Variants in PARG observed in about 807,000 individuals in gnomAD.
PARG encodes the protein poly(ADP-ribose) glycohydrolase, also known as mitochondrial poly(ADP-ribose) glycohydrolase.
In PARG, 35 loss-of-function variants were observed where a neutral mutation model predicts 113.0. That is an observed-to-expected ratio of 0.31 (90% CI 0.24 to 0.41). PARG has a LOEUF of 0.41. Among genes scored for constraint, PARG ranks in the 10% least tolerant of loss-of-function variants. PARG has a pLI of 1.00. For synonymous variants in PARG, 330 were observed against 409.9 expected, an observed-to-expected ratio of 0.81 and a Z score of 2.36; for missense variants, 797 against 1,169.4, an observed-to-expected ratio of 0.68 and a Z score of 4.64.
Position 49,879,811 on chromosome 10 carries a change from T to C in PARG, c.1850A>G (p.Gln617Arg). The C allele has an allele frequency of 8.7e-7, 1 of 1,151,752 alleles. No homozygotes were observed. The highest frequency in any genetic ancestry group is 1.5e-5 in the African/African-American group (1 of 65,968). 71.3% of individuals were successfully genotyped at this position (1,151,752 alleles called of 1,614,324 possible). The change falls in exon 9 of 18, where the codon CAG becomes CGG. Residue 617 changes from glutamine to arginine, a missense_variant. By Grantham distance (43) the Gln-to-Arg change is conservative. Transcript: ENST00000616448. ...ICTQPIPLLK[Q>R]KMNHSITMSQ... ...CATTGTGATGGAATGATTCATCTTC[T>C]GTTTCAGGAGTGGTATTGGCTGATA...
rs139698237 is a variant in PARG, at chr10:49,819,540, T to A, written c.2777-46A>T. 0.026 allele frequency: 36,869 copies of A among 1,432,506 alleles called. 1,115 individuals are homozygous for A. Among genetic ancestry groups the A allele is most frequent in the Admixed American group, 0.15 (7,333 of 47,524 alleles). 88.7% of individuals were successfully genotyped at this position (1,432,506 alleles called of 1,614,324 possible). A position where few individuals can be genotyped will look rare whatever the true frequency, so the allele number is the denominator to read the frequency against. On this transcript the variant is annotated intron_variant, in intron 17 of 17. Coordinates refer to ENST00000616448, the MANE Select transcript of PARG (RefSeq NM_003631.5). The stretch of plus-strand genomic sequence containing the variant: ...CCAGAGGCACATTAAAGTATGTAAT[T>A]GAAAAAACCTTAGAAAGAACACTCC...
intron 13 of PARG, among the ~76,000 whole-genome samples, chr10:49,850,563 C>T (rs1261865631): frequency 3.9e-5 from 6 of 152,190 alleles, no homozygotes; most frequent in Admixed American, 3.9e-4. Flanking sequence ...ACCAAGACAG[C>T]AAGGACTACT....
chr10:49,932,372 T>C, intron 3 of PARG, 89 bp from the exon 4 acceptor site: 4 of 785,658 alleles, frequency 5.1e-6, no homozygotes, highest in Non-Finnish European at 9.1e-6. Context: ...CCAGACGTTA[T>C]TGTTTAAAGT....
chr10:49,934,794 A>C (rs1838668439), intron 2 of PARG, among the ~76,000 whole-genome samples: 2 of 151,860 alleles, frequency 1.3e-5, no homozygotes, highest in African/African-American at 4.8e-5. Context: ...GCTTGCAGTT[A>C]GCCGAGATCA....
At chr10:49,929,276 A>G (rs1480464666) in intron 4 of PARG, among the ~76,000 whole-genome samples, 2 of 151,120 alleles carry the variant, frequency 1.3e-5, no homozygotes, top group Non-Finnish European at 2.9e-5. Flanking sequence ...CTCACCATTA[A>G]CATCATCTCA....
At chr10:49,911,679 C>T (rs1299803340) in intron 7 of PARG, among the ~76,000 whole-genome samples, 1 of 152,150 alleles carries the variant, frequency 6.6e-6, no homozygotes, top group African/African-American at 2.4e-5. Flanking sequence ...AGGTAATACT[C>T]CTTACTTCCA....
At chr10:49,897,674 G>A (rs74131147) in intron 7 of PARG, among the ~76,000 whole-genome samples, 77 of 152,332 alleles carry the variant, frequency 5.1e-4, no homozygotes, top group African/African-American at 1.8e-3. Flanking sequence ...CATCTAGAGA[G>A]ACTAAAGCTC....
At chr10:49,843,751 G>A (rs1171731813) in intron 13 of PARG, 119 bp from the exon 14 acceptor site, 3 of 638,812 alleles carry the variant, frequency 4.7e-6, no homozygotes, top group African/African-American at 1.8e-5. Flanking sequence ...TCCAGCCAGT[G>A]CAATAAGGCA....
chr10:49,841,892 T>A (rs1231772555), intron 15 of PARG, 58 bp downstream of exon 15: 34 of 1,068,514 alleles, frequency 3.2e-5, no homozygotes, highest in Non-Finnish European at 4.7e-5. Context: ...TCAGCATTAA[T>A]AAAATGGCAG....
chr10:49,908,118 A>C (rs2132793483), intron 7 of PARG, among the ~76,000 whole-genome samples: 1 of 152,328 alleles, frequency 6.6e-6, no homozygotes, highest in South Asian at 2.1e-4. Flanking sequence ...AACAACTCTA[A>C]CTTCATCAGT....
At chr10:49,936,608 ACAT>A (rs1838752587) in intron 1 of PARG, among the ~76,000 whole-genome samples, 1 of 152,200 alleles carries the variant, frequency 6.6e-6, no homozygotes. Context: ...GATTAAATGT[ACAT>A]CATATTTTAG....
rs535440921 is a variant in PARG, at chr10:49,832,341, T to C, written c.2647+462A>G. On this transcript the variant is annotated intron_variant, in intron 16 of 17. Transcript: ENST00000616448. ...TCGGTCTCATACTGCCTCTCTCTCATACACTGGACTGTGAATTCCAAAGCA... is the reference window on the plus strand; with the variant it reads ...TCGGTCTCATACTGCCTCTCTCTCACACACTGGACTGTGAATTCCAAAGCA... Among the ~76,000 whole-genome samples the C allele has an allele frequency of 3.0e-4, 45 of 152,334 alleles. No individual in the cohort carries two copies. The East Asian group carries it at 4.1e-3, about 14-fold the overall frequency.
intron 13 of PARG, among the ~76,000 whole-genome samples, chr10:49,856,529 G>A (rs1476397391): frequency 6.6e-6 from 1 of 152,176 alleles, no homozygotes; most frequent in African/African-American, 2.4e-5. Flanking sequence ...TAAACAAAAG[G>A]TTACTGATTT....
At chr10:49,938,083 C>A (rs1307585969) in intron 1 of PARG, among the ~76,000 whole-genome samples, 1 of 152,078 alleles carries the variant, frequency 6.6e-6, no homozygotes, top group Non-Finnish European at 1.5e-5. Flanking sequence ...TGAAAAGATA[C>A]AAGATCTAGA....
intron 7 of PARG, among the ~76,000 whole-genome samples, chr10:49,907,493 G>A (rs1304909789): frequency 2.0e-5 from 3 of 152,036 alleles, no homozygotes; most frequent in African/African-American, 7.2e-5. Flanking sequence ...TTTACCGCTT[G>A]TTTAGATAGG....
At chr10:49,904,307 GA>G (rs1358684761) in intron 7 of PARG, among the ~76,000 whole-genome samples, 1 of 151,770 alleles carries the variant, frequency 6.6e-6, no homozygotes, top group Non-Finnish European at 1.5e-5. Flanking sequence ...AGATGGCAGA[GA>G]GAAAGAGCAA....
At chr10:49,856,219 G>A (rs1166742288) in intron 13 of PARG, among the ~76,000 whole-genome samples, 19 of 150,214 alleles carry the variant, frequency 1.3e-4, no homozygotes, top group South Asian at 4.2e-4. Flanking sequence ...TTGCTCTGTC[G>A]CCCAGGCTGC....
chr10:49,889,183 C>A (rs1847648585), intron 7 of PARG, among the ~76,000 whole-genome samples: 2 of 149,114 alleles, frequency 1.3e-5, no homozygotes, highest in Admixed American at 6.7e-5. Flanking sequence ...CATCTGTATT[C>A]TCCTGGTGTC....
intron 6 of PARG, among the ~76,000 whole-genome samples, chr10:49,917,830 A>G (rs1208561954): frequency 3.9e-5 from 3 of 77,704 alleles, no homozygotes; most frequent in Non-Finnish European, 8.0e-5. Flanking sequence ...AAAAAAAAAA[A>G]AAAGAAAGAA....
Sources: gnomAD v4.1 joint callset for allele counts (sites outside exome capture counted in the v4.1 genomes callset) on GRCh38, gnomAD v4.1.1 for gene constraint, MANE v1.5 for transcripts, NCBI Gene and HGNC (gene_info 2026-07-23, HGNC 2026-07-21) for gene names.